Variants in CDH18 observed in about 807,000 individuals in gnomAD.
CDH18 encodes the protein cadherin-18.
In CDH18, 31 loss-of-function variants were observed where a neutral mutation model predicts 67.9. That is an observed-to-expected ratio of 0.46 (90% CI 0.34 to 0.62). The LOEUF is 0.62. CDH18 is among the 20% of genes least tolerant of loss of function. The pLI, the probability that CDH18 is intolerant of heterozygous loss-of-function variation, is 0.01. For synonymous variants in CDH18, 362 were observed against 347.2 expected, an observed-to-expected ratio of 1.04 and a Z score of -0.48; for missense variants, 890 against 975.5, an observed-to-expected ratio of 0.91 and a Z score of 1.17.
At chr5:20,443,786 T>A (rs1272578509) in intron 1 of CDH18, among the ~76,000 whole-genome samples, 3 of 151,964 alleles carry the variant, frequency 2.0e-5, no homozygotes, top group Non-Finnish European at 4.4e-5. Context: ...GACAAACTTG[T>A]TGATCTTGAG....
intron 3 of CDH18, among the ~76,000 whole-genome samples, chr5:19,758,072 G>A (rs1453198596): frequency 2.0e-5 from 3 of 152,190 alleles, no homozygotes; most frequent in South Asian, 2.1e-4. Flanking sequence ...CAGGGTGGCA[G>A]GAGTGGAGAC....
At chr5:19,833,454 T>C (rs2150002091) in intron 3 of CDH18, among the ~76,000 whole-genome samples, 1 of 152,312 alleles carries the variant, frequency 6.6e-6, no homozygotes, top group South Asian at 2.1e-4. Flanking sequence ...TGTAAAATCA[T>C]GTCATCTGCA....
At chr5:19,893,049 G>A (rs1463114150) in intron 2 of CDH18, among the ~76,000 whole-genome samples, 2 of 152,126 alleles carry the variant, frequency 1.3e-5, no homozygotes. Context: ...AATTTGGGAG[G>A]TGATTAGGTC....
At chr5:19,620,158 A>C (rs1750472875) in intron 5 of CDH18, among the ~76,000 whole-genome samples, 2 of 152,164 alleles carry the variant, frequency 1.3e-5, no homozygotes, top group African/African-American at 4.8e-5. Flanking sequence ...ACTTCTCTAT[A>C]TGTTTTTTCT....
chr5:20,118,063 CAGAA>C (rs564893906), intron 2 of CDH18, among the ~76,000 whole-genome samples: 157 of 152,122 alleles, frequency 1.0e-3, no homozygotes, highest in Non-Finnish European at 1.6e-3. Context: ...AAATAATTCC[CAGAA>C]AGAATCAACT....
At position 20,547,560 on chromosome 5, in the gene CDH18, G is replaced by GAA. The variant is rs11411726; in HGVS notation, c.-580+27900_-580+27901dup. Among the ~76,000 whole-genome samples, 697 of 141,090 alleles carry GAA rather than the reference G, an allele frequency of 4.9e-3. 1 individual carries two copies. Among genetic ancestry groups the GAA allele is most frequent in the Non-Finnish European group, 6.5e-3 (424 of 65,198 alleles). 92.6% of individuals were successfully genotyped at this position (141,090 alleles called of 152,430 possible). A position where few individuals can be genotyped will look rare whatever the true frequency, so the allele number is the denominator to read the frequency against. ...TGGGTGACAGGGCAAGACTCTGTCA[G>GAA]AAAAAAAAAAAAAGAATCAAACTAT... is the stretch of plus-strand genomic sequence containing the variant. On this transcript the variant is annotated intron_variant, in intron 1 of 14. Coordinates refer to the CDH18 transcript ENST00000507958.
In CDH18 at chr5:20,063,100, G is replaced by C. The variant is rs532958317; in HGVS notation, c.-517-71086C>G. On this transcript the variant is annotated intron_variant, in intron 2 of 14. Transcript: ENST00000507958. ...TTATGTCTTTGATCAAATACTTTTTGACTATCAAATGTTTTGGCCTATTTT... is the reference window on the plus strand; with the variant it reads ...TTATGTCTTTGATCAAATACTTTTTCACTATCAAATGTTTTGGCCTATTTT... Among the ~76,000 whole-genome samples the C allele has an allele frequency of 2.1e-5, 3 of 142,976 alleles. No individual in the cohort carries two copies. In the South Asian group the frequency reaches 6.6e-4, roughly 31 times the overall value. The allele number at this position is 142,976 out of a possible 152,430, so 93.8% of individuals were successfully genotyped here. A position where few individuals can be genotyped will look rare whatever the true frequency, so the allele number is the denominator to read the frequency against.
At position 19,627,311 on chromosome 5, in the gene CDH18, T is replaced by C. The variant is rs1435665804; in HGVS notation, c.644-14710A>G. Among the ~76,000 whole-genome samples, 21 of 152,208 alleles carry C rather than the reference T, an allele frequency of 1.4e-4. 1 individual carries two copies. Among genetic ancestry groups the C allele is most frequent in the Admixed American group, 1.4e-3 (21 of 15,266 alleles). ...TAGCTTAGCAAAATGCAGCTCATAT[T>C]GATGAACAAGTGAAATTGAGACGAA... On this transcript the variant is annotated intron_variant, in intron 5 of 12. Transcript: ENST00000382275.
intron 2 of CDH18, among the ~76,000 whole-genome samples, chr5:19,956,757 C>A (rs895710183): frequency 1.3e-5 from 2 of 151,760 alleles, no homozygotes; most frequent in Non-Finnish European, 2.9e-5. Flanking sequence ...TTGTGATGCT[C>A]AGTAAAATAT....
At chr5:19,774,111 A>C (rs1413088567) in intron 3 of CDH18, among the ~76,000 whole-genome samples, 1 of 152,120 alleles carries the variant, frequency 6.6e-6, no homozygotes, top group African/African-American at 2.4e-5. Flanking sequence ...TGCACTGAAG[A>C]GGTGATGAAA....
intron 2 of CDH18, among the ~76,000 whole-genome samples, chr5:20,166,192 G>A (rs1736267120): frequency 6.6e-6 from 1 of 151,988 alleles, no homozygotes; most frequent in Non-Finnish European, 1.5e-5. Flanking sequence ...TGTAATCCCA[G>A]CACTTTGTGA....
At chr5:20,424,670 C>T (rs1748141077) in intron 1 of CDH18, among the ~76,000 whole-genome samples, 1 of 133,230 alleles carries the variant, frequency 7.5e-6, no homozygotes, top group Non-Finnish European at 1.6e-5. Context: ...TCTCTTGATC[C>T]TGGGAGATGG....
At chr5:20,119,260 G>T (rs1748163934) in intron 2 of CDH18, among the ~76,000 whole-genome samples, 1 of 152,010 alleles carries the variant, frequency 6.6e-6, no homozygotes, top group African/African-American at 2.4e-5. Flanking sequence ...ACAAAATTTG[G>T]GGTAAAAATA....
intron 3 of CDH18, among the ~76,000 whole-genome samples, chr5:19,833,575 G>C (rs1178536431): frequency 1.3e-5 from 2 of 152,158 alleles, no homozygotes; most frequent in African/African-American, 4.8e-5. Context: ...GGAGTGGTGA[G>C]AGAGGGCATC....
intron 2 of CDH18, among the ~76,000 whole-genome samples, chr5:19,908,646 T>C (rs1790787525): frequency 6.6e-6 from 1 of 152,206 alleles, no homozygotes; most frequent in South Asian, 2.1e-4. Flanking sequence ...TTATACAGTA[T>C]ATTATCCGTG....
At chr5:19,771,991 A>C (rs933375960) in intron 3 of CDH18, among the ~76,000 whole-genome samples, 1 of 152,160 alleles carries the variant, frequency 6.6e-6, no homozygotes, top group Non-Finnish European at 1.5e-5. Context: ...GGATTGTGGT[A>C]TTTTTATAGC....
intron 1 of CDH18, among the ~76,000 whole-genome samples, chr5:20,522,318 A>T (rs1377456388): frequency 6.6e-6 from 1 of 152,186 alleles, no homozygotes; most frequent in Non-Finnish European, 1.5e-5. Context: ...CTAATACAGA[A>T]TGTAAGCCAT....
intron 1 of CDH18, among the ~76,000 whole-genome samples, chr5:20,384,678 C>A (rs1744175457): frequency 6.6e-6 from 1 of 152,076 alleles, no homozygotes. Context: ...TCCATACTAG[C>A]TATAATAACA....
intron 11 of CDH18, among the ~76,000 whole-genome samples, chr5:19,501,678 T>A (rs1432940389): frequency 6.6e-6 from 1 of 152,106 alleles, no homozygotes; most frequent in Non-Finnish European, 1.5e-5. Flanking sequence ...TTAAATTATT[T>A]TAAAATATAA....
Sources: allele counts gnomAD v4.1 joint callset (sites outside exome capture counted in the v4.1 genomes callset), GRCh38; gene constraint gnomAD v4.1.1; transcripts MANE v1.5; gene names NCBI Gene and HGNC (gene_info 2026-07-23, HGNC 2026-07-21).